Variants in FSHR observed in about 807,000 individuals in gnomAD.
The protein encoded by FSHR is follicle stimulating hormone receptor, also known as follicle-stimulating hormone receptor.
A neutral mutation model predicts 52.1 loss-of-function variants in FSHR; 46 were observed. That is an observed-to-expected ratio of 0.88 (90% CI 0.70 to 1.13). FSHR has a LOEUF of 1.13. Among genes scored for constraint, FSHR ranks in the 50% most tolerant of loss-of-function variants. The pLI is 0.00. For synonymous variants in FSHR, 399 were observed against 309.6 expected, an observed-to-expected ratio of 1.29 and a Z score of -3.03; for missense variants, 964 against 834.6, an observed-to-expected ratio of 1.16 and a Z score of -1.91.
At chr2:49,061,773 ACT>A (rs1178909644) in intron 2 of FSHR, among the ~76,000 whole-genome samples, 9 of 139,262 alleles carry the variant, frequency 6.5e-5, no homozygotes, top group African/African-American at 7.8e-5. Context: ...ACTATATATA[ACT>A]CTATATATTC....
chr2:49,062,027 A>T (rs190261479), intron 2 of FSHR, among the ~76,000 whole-genome samples: 15 of 151,810 alleles, frequency 9.9e-5, no homozygotes, highest in Admixed American at 9.9e-4. Context: ...AACATTATGA[A>T]CATTAAATTT....
At chr2:48,973,766 AG>A (rs1228924587) in intron 8 of FSHR, among the ~76,000 whole-genome samples, 2 of 152,198 alleles carry the variant, frequency 1.3e-5, no homozygotes, top group African/African-American at 4.8e-5. Context: ...GTGACATTGG[AG>A]AAGGATTAGG....
intron 1 of FSHR, among the ~76,000 whole-genome samples, chr2:49,120,192 G>T (rs1572770068): frequency 6.6e-6 from 1 of 152,250 alleles, no homozygotes; most frequent in East Asian, 1.9e-4. Context: ...AATCGCCGGG[G>T]CCAGAGAGGC....
chr2:49,072,379 C>A (rs1430661454), intron 1 of FSHR, among the ~76,000 whole-genome samples: 1 of 151,970 alleles, frequency 6.6e-6, no homozygotes, highest in Non-Finnish European at 1.5e-5. Flanking sequence ...TAAATTGCTA[C>A]CTCTAGCAGA....
intron 1 of FSHR, among the ~76,000 whole-genome samples, chr2:49,085,531 C>G (rs1670348446): frequency 6.6e-6 from 1 of 152,164 alleles, no homozygotes; most frequent in South Asian, 2.1e-4. Flanking sequence ...ACTATGTGGT[C>G]AATTTTGGAA....
intron 4 of FSHR, among the ~76,000 whole-genome samples, chr2:49,004,444 C>T (rs1667010013): frequency 6.6e-6 from 1 of 152,162 alleles, no homozygotes; most frequent in African/African-American, 2.4e-5. Flanking sequence ...AGAATCACTT[C>T]CTCTTTCCAT....
intron 1 of FSHR, among the ~76,000 whole-genome samples, chr2:49,123,482 G>C (rs868332460): frequency 9.2e-5 from 14 of 152,066 alleles, no homozygotes; most frequent in African/African-American, 3.1e-4. Flanking sequence ...GTGAGACCCT[G>C]TCTCAAATTT....
At chr2:48,980,192 G>C (rs996142920) in intron 8 of FSHR, among the ~76,000 whole-genome samples, 1 of 152,168 alleles carries the variant, frequency 6.6e-6, no homozygotes, top group African/African-American at 2.4e-5. Flanking sequence ...GCAATTATAG[G>C]CTGGGCTTCC....
At chr2:49,124,848 C>T (rs1446608695) in intron 1 of FSHR, among the ~76,000 whole-genome samples, 1 of 152,192 alleles carries the variant, frequency 6.6e-6, no homozygotes, top group East Asian at 1.9e-4. Context: ...TTGCTTCTTG[C>T]CTCATCCTGA....
At chr2:49,083,675 A>G (rs1670262282) in intron 1 of FSHR, among the ~76,000 whole-genome samples, 1 of 150,100 alleles carries the variant, frequency 6.7e-6, no homozygotes, top group Non-Finnish European at 1.5e-5. Context: ...GAAAAACAAA[A>G]AAAGGCAGGG....
intron 1 of FSHR, among the ~76,000 whole-genome samples, chr2:49,132,414 G>C (rs1322503528): frequency 1.3e-5 from 2 of 152,112 alleles, no homozygotes; most frequent in Admixed American, 1.3e-4. Context: ...GCACTGGAAA[G>C]CATCTTTTCA....
intron 4 of FSHR, among the ~76,000 whole-genome samples, chr2:49,009,844 A>C (rs1000601392): frequency 2.1e-5 from 2 of 96,604 alleles, no homozygotes; most frequent in Non-Finnish European, 5.2e-5. Flanking sequence ...TTGCTGGTGT[A>C]TAAGAATGCT....
intron 2 of FSHR, among the ~76,000 whole-genome samples, chr2:49,041,485 C>T (rs1336856213): frequency 1.3e-5 from 2 of 152,180 alleles, no homozygotes; most frequent in Non-Finnish European, 1.5e-5. Context: ...GAGACCCTGT[C>T]TTCCTTCCAG....
intron 2 of FSHR, among the ~76,000 whole-genome samples, chr2:49,056,749 T>C (rs1228837659): frequency 1.3e-5 from 2 of 152,002 alleles, no homozygotes; most frequent in Non-Finnish European, 2.9e-5. Flanking sequence ...ATTGGCCATA[T>C]TGTTTCTGTT....
intron 1 of FSHR, among the ~76,000 whole-genome samples, chr2:49,110,730 C>G (rs1455457820): frequency 6.6e-6 from 1 of 152,102 alleles, no homozygotes; most frequent in Admixed American, 6.6e-5. Context: ...GCAATTCCTC[C>G]CATGGTGTGG....
intron 4 of FSHR, among the ~76,000 whole-genome samples, chr2:49,000,365 TA>T (rs1390635787): frequency 6.6e-6 from 1 of 151,910 alleles, no homozygotes; most frequent in Non-Finnish European, 1.5e-5. Context: ...TTTGAGAAAA[TA>T]GGCCTGACTT....
chr2:49,038,651 AATAATAATAATAAT>A (rs1212999114), intron 2 of FSHR, among the ~76,000 whole-genome samples: 8 of 145,340 alleles, frequency 5.5e-5, no homozygotes, highest in African/African-American at 1.7e-4. Flanking sequence ...TAATAATAAT[AATAATAATAATAAT>A]AATAATACTG....
Position 48,963,072 on chromosome 2 carries a change from G to A in FSHR, c.1749C>T (p.Leu583=), listed in dbSNP as rs866519552. 1.2e-6 allele frequency: 2 copies of A among 1,614,104 alleles called. No homozygotes were observed. Among genetic ancestry groups the A allele is most frequent in the Non-Finnish European group, 8.5e-7 (1 of 1,180,006 alleles). The change falls in exon 10 of 10, where the codon CTC becomes CTT. Residue 583 remains leucine, a synonymous_variant. Transcript: ENST00000406846. ...CAAAGAAAGAAATGGGTGCCATGCAGAGGAAGTCAGTGAAGATGAGCATGG... is the reference window on the plus strand; with the variant it reads ...CAAAGAAAGAAATGGGTGCCATGCAAAGGAAGTCAGTGAAGATGAGCATGG... ...RMAMLIFTDF[L]CMAPISFFAI...
chr2:48,992,566 G>A (rs1675833855), intron 4 of FSHR, among the ~76,000 whole-genome samples: 1 of 152,132 alleles, frequency 6.6e-6, no homozygotes, highest in African/African-American at 2.4e-5. Context: ...GTTAAAACCA[G>A]GTACTGTGAG....
Sources: gnomAD v4.1 joint callset for allele counts (sites outside exome capture counted in the v4.1 genomes callset) on GRCh38, gnomAD v4.1.1 for gene constraint, MANE v1.5 for transcripts, NCBI Gene and HGNC (gene_info 2026-07-23, HGNC 2026-07-21) for gene names.